Variants in SCN3A observed in about 807,000 individuals in gnomAD.
SCN3A encodes the protein sodium channel protein type 3 subunit alpha.
SCN3A carries 60 observed loss-of-function variants against 187.6 expected under a neutral mutation model. The observed-to-expected ratio is 0.32, with a 90% CI of 0.26 to 0.40. The LOEUF (loss-of-function observed/expected upper bound fraction) is 0.40, where lower values mean the gene tolerates loss of function less well. SCN3A is among the 10% of genes least tolerant of loss of function. The probability of loss-of-function intolerance (pLI) is 1.00; values close to 1 mark genes in which losing one functional copy is unlikely to be tolerated. For synonymous variants in SCN3A, 788 were observed against 829.2 expected (o/e 0.95, Z 0.85); for missense variants, 1,601 against 2,428.2 (o/e 0.66, Z 7.16).
intron 2 of SCN3A, among the ~76,000 whole-genome samples, chr2:165,177,880 C>T (rs138288201): frequency 2.5e-3 from 387 of 152,032 alleles, no homozygotes; most frequent in African/African-American, 8.9e-3. Context: ...CAATGACAAA[C>T]CAAATAAAAT....
intron 18 of SCN3A, among the ~76,000 whole-genome samples, chr2:165,121,476 G>A (rs1686673683): frequency 6.6e-6 from 1 of 152,152 alleles, no homozygotes; most frequent in Non-Finnish European, 1.5e-5. Flanking sequence ...GACTAATAAT[G>A]TTGTTTTATT....
intron 18 of SCN3A, among the ~76,000 whole-genome samples, chr2:165,125,558 C>T (rs1686942890): frequency 6.6e-6 from 1 of 152,088 alleles, no homozygotes; most frequent in Non-Finnish European, 1.5e-5. Flanking sequence ...ACCTCGTGAT[C>T]CACTCGCCTC....
In SCN3A at chr2:165,094,438, T is replaced by C. The variant is rs768888254; in HGVS notation, c.4472A>G (p.Lys1491Arg). 6.2e-6 allele frequency: 10 copies of C among 1,613,616 alleles called. No homozygotes were observed. The African/African-American group carries it at 1.1e-4, about 17-fold the overall frequency. Reference protein sequence around the residue: ...QDIFMTEEQKKYYNAMKKLGS... With the variant: ...QDIFMTEEQKRYYNAMKKLGS... ...AAGTTTCTTCATTGCATTGTAATAT[T>C]TTTTCTGTTCCTCTGTCATAAAGAT... is the stretch of plus-strand genomic sequence containing the variant. The change falls in exon 26 of 28, where the codon AAA (lysine) becomes AGA (arginine). Residue 1491 changes from lysine to arginine, a missense_variant. Physicochemically the swap from Lys to Arg is conservative, Grantham distance 26. Transcript: ENST00000283254.
At chr2:165,116,174 G>C (rs1686359678) in intron 18 of SCN3A, among the ~76,000 whole-genome samples, 1 of 152,130 alleles carries the variant, frequency 6.6e-6, no homozygotes, top group Middle Eastern at 3.2e-3. Flanking sequence ...GAAGAAAAAT[G>C]ATGGATCTCT....
chr2:165,149,061 C>T (rs1688521361), intron 11 of SCN3A, among the ~76,000 whole-genome samples: 1 of 152,132 alleles, frequency 6.6e-6, no homozygotes, highest in African/African-American at 2.4e-5. Flanking sequence ...TAGACACAAA[C>T]ACACAACACA....
rs1310261191 is a variant in SCN3A, at chr2:165,092,402, G to A, written c.4659C>T (p.Tyr1553=). ...MMVETDDQGK[Y]MTLVLSRINL... is the part of the protein sequence containing the mutation. ...TGATCCGGGACAAAACTAGGGTCATGTATTTGCCCTGGTCATCCGTTTCCA... is the reference window on the plus strand; with the variant it reads ...TGATCCGGGACAAAACTAGGGTCATATATTTGCCCTGGTCATCCGTTTCCA... The change falls in exon 27 of 28, where the codon TAC becomes TAT. Residue 1553 remains tyrosine (Y), a synonymous_variant. Coordinates refer to ENST00000283254, the MANE Select transcript of SCN3A (RefSeq NM_006922.4). The surrounding 1 kb of genome is among the most constrained non-coding windows in gnomAD (Gnocchi z 4.2). 2 of 1,613,876 alleles carry A rather than the reference G, an allele frequency of 1.2e-6. No individual in the cohort carries two copies. Among genetic ancestry groups the A allele is most frequent in the Non-Finnish European group, 1.7e-6 (2 of 1,179,964 alleles).
intron 3 of SCN3A, among the ~76,000 whole-genome samples, chr2:165,172,635 T>C (rs1308703171): frequency 6.6e-6 from 1 of 152,186 alleles, no homozygotes; most frequent in Non-Finnish European, 1.5e-5. Context: ...CAATTTCTGC[T>C]TGCGACATTA....
intron 18 of SCN3A, among the ~76,000 whole-genome samples, chr2:165,123,462 T>C (rs781403303): frequency 7.2e-5 from 11 of 152,142 alleles, no homozygotes; most frequent in Non-Finnish European, 1.6e-4. Context: ...CCATCTAAAT[T>C]AATGATTAAT....
At chr2:165,196,724 A>C (rs1275691693) in intron 1 of SCN3A, among the ~76,000 whole-genome samples, 1 of 152,172 alleles carries the variant, frequency 6.6e-6, no homozygotes, top group Non-Finnish European at 1.5e-5. Context: ...TTTTCTGAAA[A>C]TATCTTTTAA....
At chr2:165,168,598 T>A (rs1689921452) in intron 5 of SCN3A, 138 bp downstream of exon 5, 2 of 702,282 alleles carry the variant, frequency 2.8e-6, no homozygotes, top group South Asian at 3.2e-5. Flanking sequence ...CCAAAGAACT[T>A]CCCTTATCTT....
chr2:165,188,515 C>T (rs747563875), intron 1 of SCN3A, among the ~76,000 whole-genome samples: 12 of 152,228 alleles, frequency 7.9e-5, no homozygotes, highest in East Asian at 1.9e-4. Context: ...TGCAGCAGGG[C>T]GCGGTGGCTC....
chr2:165,134,658 A>G lies in SCN3A; in HGVS notation c.2391+3221T>C, dbSNP rs1342193300. ...CATTGAAAAATATATTTTTCATTTT[A>G]TAGAATAACACATCAAAGATTTTTT... On this transcript the variant is annotated intron_variant, in intron 15 of 27. Transcript: ENST00000283254. Among the ~76,000 whole-genome samples, 3 of 152,242 alleles carry G rather than the reference A, an allele frequency of 2.0e-5. No individual in the cohort carries two copies. In the East Asian group the frequency reaches 5.8e-4, roughly 29 times the overall value.
intron 21 of SCN3A, among the ~76,000 whole-genome samples, chr2:165,102,053 T>C (rs1386313152): frequency 6.6e-6 from 1 of 152,214 alleles, no homozygotes; most frequent in East Asian, 1.9e-4. Context: ...TGTTCTATGC[T>C]CCTTTTCCTC....
intron 21 of SCN3A, 22 bp downstream of exon 21, chr2:165,112,863 A>G: frequency 6.2e-7 from 1 of 1,605,234 alleles, no homozygotes; most frequent in Non-Finnish European, 8.5e-7. Flanking sequence ...ACAATTTTAT[A>G]AAAATCACTT....
In SCN3A at chr2:165,139,770, TAA is replaced by T. The variant is rs371467759; in HGVS notation, c.2020-164_2020-163del. The T allele has an allele frequency of 7.8e-3, 6,106 of 786,184 alleles. 1 individual carries two copies. The highest frequency in any genetic ancestry group is 9.5e-3 in the Non-Finnish European group (4,853 of 508,924). The allele number at this position is 786,184 out of a possible 1,614,324, so 48.7% of individuals were successfully genotyped here. On this transcript the variant is annotated intron_variant, in intron 13 of 27. Coordinates refer to ENST00000283254, the MANE Select transcript of SCN3A (RefSeq NM_006922.4). Reference sequence around the variant, plus strand: ...GCTAAGTTATAAACAGTTTTTTTTTTAAAAAAAAGTTATCACAGGTAGTACTC... The same window carrying T: ...GCTAAGTTATAAACAGTTTTTTTTTTAAAAAAGTTATCACAGGTAGTACTC...
intron 11 of SCN3A, among the ~76,000 whole-genome samples, chr2:165,153,413 CA>C (rs1374672862): frequency 4.6e-5 from 7 of 151,696 alleles, no homozygotes; most frequent in Non-Finnish European, 1.0e-4. Context: ...ATGATTTAAA[CA>C]AAAAAGCTAA....
rs71393659 is a variant in SCN3A at position 165,153,987 on chromosome 2, AT to A, written c.1380+464del. ...TATCCTGATGTGGGCTATAGCAAAC[AT>A]TTTTTTTTTTTTTTTTTTTTGCTAC... On this transcript the variant is annotated intron_variant, in intron 11 of 27. Coordinates refer to ENST00000283254, the MANE Select transcript of SCN3A (RefSeq NM_006922.4). Among the ~76,000 whole-genome samples the A allele has an allele frequency of 5.3e-3, 490 of 92,764 alleles. 9 individuals are homozygous for A. The highest frequency in any genetic ancestry group is 0.017 in the African/African-American group (372 of 21,284). The allele number at this position is 92,764 out of a possible 152,430, so 60.9% of individuals were successfully genotyped here. A position where few individuals can be genotyped will look rare whatever the true frequency, so the allele number is the denominator to read the frequency against.
intron 25 of SCN3A, among the ~76,000 whole-genome samples, chr2:165,094,977 T>C (rs545009812): frequency 6.6e-6 from 1 of 152,226 alleles, no homozygotes; most frequent in Admixed American, 6.5e-5. Flanking sequence ...CAACAATGAA[T>C]TCAGAGACTC....
Position 165,162,785 on chromosome 2 carries a change from C to T in SCN3A, c.738G>A (p.Lys246=), listed in dbSNP as rs765538819. The T allele has an allele frequency of 3.1e-6, 5 of 1,614,122 alleles. No individual in the cohort carries two copies. The Admixed American group carries it at 5.0e-5, about 16-fold the overall frequency. The change falls in exon 8 of 28, where the codon AAG becomes AAA. Residue 246 remains lysine, a synonymous_variant. Coordinates refer to ENST00000283254, the MANE Select transcript of SCN3A (RefSeq NM_006922.4). ...CAGTCAGGATCATCACATCAGAAAG[C>T]TTCTTTACCGACTGGATCAGGGCCC... ...IVGALIQSVK[K]LSDVMILTVF... is the part of the protein sequence containing the mutation.
Sources: gnomAD v4.1 joint callset for allele counts (sites outside exome capture counted in the v4.1 genomes callset) on GRCh38, gnomAD v4.1.1 for gene constraint, Gnocchi (gnomAD v3.1) non-coding constraint, MANE v1.5 for transcripts, NCBI Gene and HGNC (gene_info 2026-07-23, HGNC 2026-07-21) for gene names.